FCSK: variants seen among roughly 807,000 people sequenced by gnomAD.
FCSK encodes the protein fucose kinase, also known as L-fucose kinase.
In FCSK, 123 loss-of-function variants were observed where a neutral mutation model predicts 122.5. That is an observed-to-expected ratio of 1.00 (90% CI 0.87 to 1.17). FCSK has a LOEUF of 1.17. FCSK is among the 50% of genes most tolerant of loss of function. The pLI is 0.00. For synonymous variants in FCSK, 620 were observed against 625.5 expected (o/e 0.99, Z 0.13); for missense variants, 1,366 against 1,450.4 (o/e 0.94, Z 0.95).
chr16:70,476,794 C>G (rs1489578003), intron 20 of FCSK, among the ~76,000 whole-genome samples: 1 of 152,206 alleles, frequency 6.6e-6, no homozygotes, highest in African/African-American at 2.4e-5. Flanking sequence ...GATGGGGAAG[C>G]ATTTTCAGTT....
chr16:70,468,009 T>C, intron 8 of FCSK, 43 bp downstream of exon 8: 1 of 1,466,450 alleles, frequency 6.8e-7, no homozygotes, highest in African/African-American at 1.4e-5. Flanking sequence ...GGGGACCTTA[T>C]GGGACAGGGA....
At chr16:70,475,226 G>C (rs1383018582) in intron 18 of FCSK, 124 bp from the exon 19 acceptor site, 5 of 1,198,044 alleles carry the variant, frequency 4.2e-6, no homozygotes, top group Non-Finnish European at 5.8e-6. Context: ...GATGGGGCCA[G>C]TACTGCTGCT....
At chr16:70,463,385 C>T in intron 2 of FCSK, 113 bp downstream of exon 2, 2 of 961,424 alleles carry the variant, frequency 2.1e-6, no homozygotes, top group South Asian at 3.0e-5. Flanking sequence ...CCAGATTGCA[C>T]TTCTCCCTAG....
chr16:70,455,913 T>A (rs1047176875), intron 1 of FCSK, among the ~76,000 whole-genome samples: 3 of 147,496 alleles, frequency 2.0e-5, no homozygotes, highest in Non-Finnish European at 4.5e-5. Flanking sequence ...CCAGGCATGG[T>A]GGCTTACACC....
rs1473485582 is a variant in FCSK at position 70,468,867 on chromosome 16, T to C, written c.682T>C (p.Phe228Leu). ...RVPLVSGVVF[F>L]SVETAERLLA... ...CTTCCAGGTCTCTGGGGTTGTCTTC[T>C]TCTCTGTGGAGACTGCCGAGCGCCT... The change falls in exon 9 of 24, where the codon TTC (phenylalanine) becomes CTC (leucine). Residue 228 changes from phenylalanine to leucine, a missense_variant. By Grantham distance (22) the Phe-to-Leu change is conservative. Transcript: ENST00000288078. 6.2e-7 allele frequency: 1 copy of C among 1,613,954 alleles called. No individual in the cohort carries two copies. Among genetic ancestry groups the C allele is most frequent in the African/African-American group, 1.3e-5 (1 of 74,916 alleles).
chr16:70,462,104 G>A (rs1245825405), intron 1 of FCSK: 1 of 152,218 alleles, frequency 6.6e-6, no homozygotes, highest in Non-Finnish European at 1.5e-5. Flanking sequence ...CATGTTGGAT[G>A]AAAGAAGCTA....
At chr16:70,461,663 A>T (rs1047005110) in intron 1 of FCSK, among the ~76,000 whole-genome samples, 3 of 150,832 alleles carry the variant, frequency 2.0e-5, no homozygotes, top group Admixed American at 6.6e-5. Context: ...TTCTCCGGGG[A>T]ACCCCCATCA....
intron 1 of FCSK, 77 bp downstream of exon 1, chr16:70,454,707 C>G (rs910409066): frequency 2.0e-5 from 3 of 150,642 alleles, no homozygotes; most frequent in African/African-American, 7.5e-5. Context: ...CTTTCCGGTG[C>G]ACCCTCCCTG....
At chr16:70,457,838 C>A (rs557326697) in intron 1 of FCSK, 3 of 151,056 alleles carry the variant, frequency 2.0e-5, no homozygotes, top group Admixed American at 1.3e-4. Flanking sequence ...CTCAAGCCAT[C>A]CGCCTGTCTT....
Position 70,470,350 on chromosome 16 carries a change from C to T in FCSK, c.992C>T (p.Ser331Phe). 8.7e-6 allele frequency: 14 copies of T among 1,613,890 alleles called. No individual in the cohort carries two copies. The highest frequency in any genetic ancestry group is 1.2e-5 in the Non-Finnish European group (14 of 1,179,976). Residue 331 changes from serine (S) to phenylalanine (F), a missense_variant, in exon 11 of 24, where the codon TCC becomes TTC. Coordinates refer to ENST00000288078, the MANE Select transcript of FCSK (RefSeq NM_145059.3). The part of the protein sequence containing the change: ...VSSGSYSYMT[S>F]SASEFLLSLT... The stretch of plus-strand genomic sequence containing the variant: ...AGCGGCAGCTACAGCTACATGACCT[C>T]CTCAGCCAGTGAGTTCCTGCTCAGC...
intron 3 of FCSK, 137 bp downstream of exon 3, chr16:70,463,911 C>A: frequency 1.1e-6 from 1 of 943,010 alleles, no homozygotes. Context: ...GTAAATTGGG[C>A]GGACTCATCT....
chr16:70,473,536 T>C lies in FCSK; in HGVS notation c.1777+183T>C, dbSNP rs1021083135. On this transcript the variant is annotated intron_variant, in intron 15 of 23. Transcript: ENST00000288078. This position sits in a 1 kb window ranked among gnomAD's most constrained non-coding sequence, Gnocchi z 4.9. ...CTTGTCAATGGGGTTTGGTCTGAGGTTGAGGCATGTTCATCCTTGTCAGTG... is the reference window on the plus strand; with the variant it reads ...CTTGTCAATGGGGTTTGGTCTGAGGCTGAGGCATGTTCATCCTTGTCAGTG... 8.5e-5 allele frequency among the ~76,000 whole-genome samples: 13 copies of C among 152,136 alleles called. No homozygotes were observed. Among genetic ancestry groups the C allele is most frequent in the African/African-American group, 3.1e-4 (13 of 41,444 alleles).
rs544216689 is a variant in FCSK, at chr16:70,472,551, C to A, written c.1352C>A (p.Ala451Glu). 5 of 1,612,670 alleles carry A rather than the reference C, an allele frequency of 3.1e-6. No individual in the cohort carries two copies. Among genetic ancestry groups the A allele is most frequent in the East Asian group, 4.5e-5 (2 of 44,830 alleles). ...GRLDSWERQGAGTYLNVPWSE... is the reference protein window; with the variant it reads ...GRLDSWERQGEGTYLNVPWSE... ...CTTCCTCTCCCCCAGAGACAGGGGG[C>A]AGGCACATATCTCAACGTGCCCTGG... The change falls in exon 14 of 24, where the codon GCA becomes GAA. Residue 451 changes from alanine (A) to glutamate (E), a missense_variant. By Grantham distance (107) the Ala-to-Glu change is moderately radical. Coordinates refer to ENST00000288078, the MANE Select transcript of FCSK (RefSeq NM_145059.3).
At chr16:70,467,008 G>A in intron 6 of FCSK, 54 bp downstream of exon 6, 1 of 1,540,000 alleles carries the variant, frequency 6.5e-7, no homozygotes, top group East Asian at 2.2e-5. Flanking sequence ...ACAGCAAGAA[G>A]CCAGCTCTGC....
Position 70,479,947 on chromosome 16 carries a change from T to C in FCSK, c.*267T>C, listed in dbSNP as rs778832698. ...TCCCACGTGGCCTTTACAAATCCTA[T>C]GGCTGGCCTTCTCATTCCACAAGGG... is the stretch of plus-strand genomic sequence containing the variant. On this transcript the variant is annotated 3_prime_UTR_variant, in exon 24 of 24. Transcript: ENST00000288078. The C allele has an allele frequency of 1.9e-5, 6 of 317,374 alleles. No individual in the cohort carries two copies. The highest frequency in any genetic ancestry group is 3.5e-5 in the Non-Finnish European group (6 of 170,970). The allele number at this position is 317,374 out of a possible 1,614,324, so 19.7% of individuals were successfully genotyped here.
chr16:70,461,839 C>T (rs1023954804), intron 1 of FCSK, among the ~76,000 whole-genome samples: 19 of 152,248 alleles, frequency 1.2e-4, no homozygotes, highest in African/African-American at 4.3e-4. Flanking sequence ...TGTCAGCAGA[C>T]ATGCTGACCA....
At position 70,473,435 on chromosome 16, in the gene FCSK, A is replaced by C. The variant is rs887772956; in HGVS notation, c.1777+82A>C. 1.4e-5 allele frequency: 19 copies of C among 1,397,796 alleles called. No individual in the cohort carries two copies. The Admixed American group carries it at 5.5e-4, about 41-fold the overall frequency. 86.6% of individuals were successfully genotyped at this position (1,397,796 alleles called of 1,614,324 possible). ...GTCCTCTGGGCCATCCCCTGAGGGG[A>C]CTAGGGGACCATGAGGTGCTCAAGC... On this transcript the variant is annotated intron_variant, in intron 15 of 23. Transcript: ENST00000288078. This position sits in a 1 kb window ranked among gnomAD's most constrained non-coding sequence, Gnocchi z 4.9.
At position 70,473,417 on chromosome 16, in the gene FCSK, G is replaced by C; in HGVS notation, c.1777+64G>C. 6.9e-7 allele frequency: 1 copy of C among 1,439,908 alleles called. No individual in the cohort carries two copies. The highest frequency in any genetic ancestry group is 1.4e-5 in the South Asian group (1 of 69,622). The allele number at this position is 1,439,908 out of a possible 1,614,324, so 89.2% of individuals were successfully genotyped here. A position where few individuals can be genotyped will look rare whatever the true frequency, so the allele number is the denominator to read the frequency against. On this transcript the variant is annotated intron_variant, in intron 15 of 23. Transcript: ENST00000288078. This position sits in a 1 kb window ranked among gnomAD's most constrained non-coding sequence, Gnocchi z 4.9. ...GGGGCACCTGCCCTCCCTGTCCTCT[G>C]GGCCATCCCCTGAGGGGACTAGGGG...
At position 70,472,750 on chromosome 16, in the gene FCSK, C is replaced by T. The variant is rs1175103437; in HGVS notation, c.1406+145C>T. On this transcript the variant is annotated intron_variant, in intron 14 of 23. Transcript: ENST00000288078. ...GGGTGGTTTTGGGCAGCCGGATTCT[C>T]TCCAGTACTTTCCCCCGGGCAGCTC... 6 of 819,730 alleles carry T rather than the reference C, an allele frequency of 7.3e-6. No individual in the cohort carries two copies. The East Asian group carries it at 1.4e-4, about 19-fold the overall frequency. The allele number at this position is 819,730 out of a possible 1,614,324, so 50.8% of individuals were successfully genotyped here.
Sources: allele counts gnomAD v4.1 joint callset (sites outside exome capture counted in the v4.1 genomes callset), GRCh38; gene constraint gnomAD v4.1.1; non-coding constraint Gnocchi (gnomAD v3.1); transcripts MANE v1.5; gene names NCBI Gene and HGNC (gene_info 2026-07-23, HGNC 2026-07-21).